Variants in MMP26 observed in about 807,000 individuals in gnomAD.
MMP26 encodes matrix metalloproteinase-26.
A neutral mutation model predicts 31.0 loss-of-function variants in MMP26; 33 were observed. The ratio of observed to expected loss-of-function variants is 1.06; its 90% confidence interval spans 0.81 to 1.42. The LOEUF (loss-of-function observed/expected upper bound fraction) is 1.42. Ranked by LOEUF, MMP26 falls within the 40% of genes most tolerant of loss-of-function variation. MMP26 has a pLI of 0.00. For missense variants in MMP26, 347 were observed against 316.1 expected (o/e 1.10, Z -0.74); for synonymous variants, 122 against 114.9 (o/e 1.06, Z -0.40).
At chr11:4,849,143 C>T (rs370057466) in intron 2 of MMP26, 117 of 1,613,868 alleles carry the variant, frequency 7.2e-5, no homozygotes, top group Non-Finnish European at 9.6e-5. Context: ...GCATGCCCAC[C>T]AGCAAGAAGG....
chr11:4,712,569 A>T (rs1847875974), intron 1 of MMP26: 1 of 152,180 alleles, frequency 6.6e-6, no homozygotes, highest in Non-Finnish European at 1.5e-5. Flanking sequence ...AGTTTTCAAA[A>T]ATAATTTTGA....
intron 1 of MMP26, among the ~76,000 whole-genome samples, chr11:4,726,759 C>T (rs1848105987): frequency 1.3e-5 from 2 of 152,188 alleles, no homozygotes; most frequent in Non-Finnish European, 2.9e-5. Context: ...GTAATCCCAG[C>T]ACTTTGGGAG....
chr11:4,887,740 A>G (rs1850563432), intron 2 of MMP26, among the ~76,000 whole-genome samples: 1 of 152,150 alleles, frequency 6.6e-6, no homozygotes, highest in Non-Finnish European at 1.5e-5. Context: ...TACTAGTCAG[A>G]TGCAATTTTT....
chr11:4,820,757 C>G (rs1019638524), intron 2 of MMP26, among the ~76,000 whole-genome samples: 5 of 152,142 alleles, frequency 3.3e-5, no homozygotes, highest in Admixed American at 3.3e-4. Context: ...ATTGCTGAGT[C>G]TTAGCTTGCT....
At position 4,803,685 on chromosome 11, in the gene MMP26, G is replaced by A. The variant is rs772092961; in HGVS notation, c.-145+36344G>A. 9.9e-6 allele frequency: 16 copies of A among 1,613,738 alleles called. No homozygotes were observed. The South Asian group carries it at 1.8e-4, about 18-fold the overall frequency. On this transcript the variant is annotated intron_variant, in intron 2 of 7. Coordinates refer to ENST00000380390, the MANE Select transcript of MMP26 (RefSeq NM_021801.5). ...AAGCTTTGAGGCGGGCTTCACCTGA[G>A]GGCAACTGAAGCACAGCTCTCAAAA...
intron 2 of MMP26, among the ~76,000 whole-genome samples, chr11:4,977,775 C>A (rs1846757765): frequency 6.6e-6 from 1 of 152,102 alleles, no homozygotes; most frequent in South Asian, 2.1e-4. Context: ...GAGGCTCCAA[C>A]TGTTATATAC....
intron 2 of MMP26, among the ~76,000 whole-genome samples, chr11:4,788,316 C>T (rs1184160579): frequency 6.6e-6 from 1 of 151,648 alleles, no homozygotes; most frequent in East Asian, 2.0e-4. Flanking sequence ...ACTGAGATTC[C>T]TCCACAGAGG....
chr11:4,926,926 A>G lies in MMP26; in HGVS notation c.-144-61142A>G, dbSNP rs140278710. 5.4e-3 allele frequency among the ~76,000 whole-genome samples: 822 copies of G among 152,302 alleles called. 10 individuals are homozygous for G. Among genetic ancestry groups the G allele is most frequent in the Non-Finnish European group, 5.4e-3 (366 of 68,014 alleles). ...AATGGATAAAAAGAGATGAAATGCAATAGGGATTACACAGAATAGTTTTTA... is the reference window on the plus strand; with the variant it reads ...AATGGATAAAAAGAGATGAAATGCAGTAGGGATTACACAGAATAGTTTTTA... On this transcript the variant is annotated intron_variant, in intron 2 of 7. Coordinates refer to ENST00000380390, the MANE Select transcript of MMP26 (RefSeq NM_021801.5).
chr11:4,908,481 A>C, intron 2 of MMP26: 1 of 656,896 alleles, frequency 1.5e-6, no homozygotes. Context: ...TAGAAAAAAA[A>C]GTCAAGAGAT....
At chr11:4,943,436 T>C (rs1343745773) in intron 2 of MMP26, 1 of 455,878 alleles carries the variant, frequency 2.2e-6, no homozygotes, top group Admixed American at 2.4e-5. Flanking sequence ...GTAATTTGTT[T>C]AACCATGGGG....
At chr11:4,807,148 G>C (rs1251225846) in intron 2 of MMP26, among the ~76,000 whole-genome samples, 3 of 152,144 alleles carry the variant, frequency 2.0e-5, no homozygotes, top group African/African-American at 4.8e-5. Context: ...GTGTGCATGT[G>C]TCTTTAGAGT....
At chr11:4,723,518 AG>A (rs1848049145) in intron 1 of MMP26, 1 of 1,182,202 alleles carries the variant, frequency 8.5e-7, no homozygotes, top group African/African-American at 1.5e-5. Context: ...TGCCTGAGGA[AG>A]TTGATCTCGT....
chr11:4,872,357 T>TTTTTCAATTCCTTCTCC (rs1362343499), intron 2 of MMP26, among the ~76,000 whole-genome samples: 5 of 152,110 alleles, frequency 3.3e-5, no homozygotes, highest in Non-Finnish European at 7.4e-5. Context: ...CAAGCATTAC[T>TTTTTCAATTCCTTCTCC]TTTTCATTTC....
At chr11:4,757,663 T>C (rs1848521073) in intron 1 of MMP26, among the ~76,000 whole-genome samples, 1 of 151,478 alleles carries the variant, frequency 6.6e-6, no homozygotes, top group Non-Finnish European at 1.5e-5. Flanking sequence ...CACCAAAACA[T>C]ATATAAAAAT....
At chr11:4,753,142 C>A (rs1384394306) in intron 1 of MMP26, among the ~76,000 whole-genome samples, 1 of 152,066 alleles carries the variant, frequency 6.6e-6, no homozygotes, top group African/African-American at 2.4e-5. Flanking sequence ...TAACCGTGCC[C>A]AAGATCAACT....
Position 4,951,982 on chromosome 11 carries a change from G to A in MMP26, c.-144-36086G>A, listed in dbSNP as rs1310899157. 1.6e-5 allele frequency among the ~76,000 whole-genome samples: 2 copies of A among 124,148 alleles called. 1 individual carries two copies. Among genetic ancestry groups the A allele is most frequent in the Non-Finnish European group, 3.6e-5 (2 of 54,806 alleles). 81.4% of individuals were successfully genotyped at this position (124,148 alleles called of 152,430 possible). ...AACAACTTCTTTGCAGCACTTAAGT[G>A]TCCTGTAGCTCACAAGGTTCCTACA... On this transcript the variant is annotated intron_variant, in intron 2 of 7. Coordinates refer to ENST00000380390, the MANE Select transcript of MMP26 (RefSeq NM_021801.5).
chr11:4,862,622 G>A (rs1172079326), intron 2 of MMP26, among the ~76,000 whole-genome samples: 2 of 152,160 alleles, frequency 1.3e-5, no homozygotes, highest in African/African-American at 4.8e-5. Flanking sequence ...AACATCTCAA[G>A]AACTGGTCTG....
At chr11:4,710,148 A>T (rs1489874457) in intron 1 of MMP26, 1 of 456,824 alleles carries the variant, frequency 2.2e-6, no homozygotes, top group Non-Finnish European at 4.4e-6. Context: ...ATGCACAGAC[A>T]CATGGATCAA....
chr11:4,882,046 T>C (rs752664847), intron 2 of MMP26: 1 of 1,613,896 alleles, frequency 6.2e-7, no homozygotes, highest in Admixed American at 1.7e-5. Flanking sequence ...TGATCTTTCT[T>C]GTCATCATTA....
Sources: allele counts gnomAD v4.1 joint callset (sites outside exome capture counted in the v4.1 genomes callset), GRCh38; gene constraint gnomAD v4.1.1; transcripts MANE v1.5; gene names NCBI Gene and HGNC (gene_info 2026-07-23, HGNC 2026-07-21).